ELMO1: variants seen among roughly 807,000 people sequenced by gnomAD.
ELMO1 encodes engulfment and cell motility protein 1.
Under a neutral mutation model 98.9 loss-of-function variants are expected in ELMO1, and 26 were observed. The ratio of observed to expected loss-of-function variants is 0.26; its 90% CI spans 0.19 to 0.36. The LOEUF is 0.36. ELMO1 is among the 10% of genes least tolerant of loss of function. ELMO1 has a pLI of 1.00. For synonymous variants in ELMO1, 346 were observed against 346.0 expected, an observed-to-expected ratio of 1.00 and a Z score of 0.00; for missense variants, 627 against 935.2, an observed-to-expected ratio of 0.67 and a Z score of 4.30.
intron 13 of ELMO1, among the ~76,000 whole-genome samples, chr7:37,195,238 C>T (rs1328555688): frequency 6.6e-6 from 1 of 152,206 alleles, no homozygotes; most frequent in Non-Finnish European, 1.5e-5. Flanking sequence ...AAGGAGTTCA[C>T]TCAACAATCA....
At chr7:37,025,197 T>A (rs539367460) in intron 15 of ELMO1, among the ~76,000 whole-genome samples, 5 of 152,318 alleles carry the variant, frequency 3.3e-5, no homozygotes, top group Admixed American at 2.6e-4. Context: ...AATGCTGTTC[T>A]TGGCCCAAAG....
At chr7:36,903,913 G>T (rs1783773190) in intron 16 of ELMO1, among the ~76,000 whole-genome samples, 1 of 152,212 alleles carries the variant, frequency 6.6e-6, no homozygotes, top group African/African-American at 2.4e-5. Context: ...AGTCAGATTG[G>T]CGGACAGGGG....
At chr7:36,873,070 TA>T (rs2129041860) in intron 19 of ELMO1, among the ~76,000 whole-genome samples, 2 of 152,324 alleles carry the variant, frequency 1.3e-5, no homozygotes, top group African/African-American at 4.8e-5. Context: ...AGTACATATA[TA>T]TTTTTTTATA....
intron 11 of ELMO1, among the ~76,000 whole-genome samples, chr7:37,215,991 CCTTTTTTTTTTTTT>C (rs1473233958): frequency 5.1e-5 from 7 of 136,682 alleles, no homozygotes; most frequent in Non-Finnish European, 7.8e-5. Flanking sequence ...TTCCTCTTTT[CCTTTTTTTTTTTTT>C]CTTTTTTGTA....
At chr7:36,911,945 A>G (rs1293352298) in intron 16 of ELMO1, among the ~76,000 whole-genome samples, 3 of 152,220 alleles carry the variant, frequency 2.0e-5, no homozygotes, top group Non-Finnish European at 4.4e-5. Context: ...CTGAGAATAC[A>G]GCAGCTCGGC....
chr7:37,301,920 T>C (rs1798372093), intron 4 of ELMO1, among the ~76,000 whole-genome samples: 1 of 152,316 alleles, frequency 6.6e-6, no homozygotes, highest in South Asian at 2.1e-4. Context: ...CTTTCTTCTA[T>C]TTTTCTTACT....
chr7:36,870,071 A>G lies in ELMO1; in HGVS notation c.1905+322T>C, dbSNP rs149965506. 9.1e-4 allele frequency among the ~76,000 whole-genome samples: 139 copies of G among 152,280 alleles called. No homozygotes were observed. The highest frequency in any genetic ancestry group is 3.2e-3 in the African/African-American group (133 of 41,554). ...AAACATAAATGGGGGAGGTTAGGAG[A>G]GGCCCAGGGAATGGACGGATGAGCA... On this transcript the variant is annotated intron_variant, in intron 20 of 21. Transcript: ENST00000310758. This position sits in a 1 kb window ranked among gnomAD's most constrained non-coding sequence, Gnocchi z 4.4.
chr7:36,954,766 G>A (rs1284057487), intron 16 of ELMO1, among the ~76,000 whole-genome samples: 1 of 152,156 alleles, frequency 6.6e-6, no homozygotes, highest in Non-Finnish European at 1.5e-5. Flanking sequence ...GTTTCTACAA[G>A]AAAATGGTCT....
chr7:37,089,250 C>T (rs1379248907), intron 15 of ELMO1, among the ~76,000 whole-genome samples: 1 of 152,090 alleles, frequency 6.6e-6, no homozygotes, highest in African/African-American at 2.4e-5. Context: ...AGGTGCTCCA[C>T]TCGGCACCAC....
rs569718910 is a variant in ELMO1 at position 37,121,968 on chromosome 7, G to A, written c.1191+11162C>T. Among the ~76,000 whole-genome samples the A allele has an allele frequency of 1.0e-3, 153 of 152,314 alleles. 1 individual carries two copies. Among genetic ancestry groups the A allele is most frequent in the African/African-American group, 3.5e-3 (145 of 41,574 alleles). Reference sequence around the variant, plus strand: ...GAAACTCTACAAGCCAGAAGAGAGTGGGAGCCAATATTCAACATTCTTAAA... The same window carrying A: ...GAAACTCTACAAGCCAGAAGAGAGTAGGAGCCAATATTCAACATTCTTAAA... On this transcript the variant is annotated intron_variant, in intron 14 of 21. Transcript: ENST00000310758.
intron 13 of ELMO1, among the ~76,000 whole-genome samples, chr7:37,189,133 G>A (rs889800668): frequency 6.6e-6 from 1 of 152,144 alleles, no homozygotes; most frequent in Non-Finnish European, 1.5e-5. Context: ...AAAAGAATTC[G>A]GTAATTGTGT....
intron 16 of ELMO1, among the ~76,000 whole-genome samples, chr7:36,962,712 A>G (rs748644699): frequency 6.6e-6 from 1 of 152,180 alleles, no homozygotes. Context: ...AAGGAAATCT[A>G]AAATTCATGA....
chr7:36,867,043 G>A (rs1344688341), intron 20 of ELMO1, among the ~76,000 whole-genome samples: 1 of 152,132 alleles, frequency 6.6e-6, no homozygotes, highest in Non-Finnish European at 1.5e-5. Flanking sequence ...GGGCCAGGCT[G>A]CTTGAAATTC....
At chr7:37,093,177 G>GTTT (rs11298858) in intron 15 of ELMO1, among the ~76,000 whole-genome samples, 1 of 140,736 alleles carries the variant, frequency 7.1e-6, no homozygotes. Flanking sequence ...AAATAGTGCT[G>GTTT]TTTTTTTTTT....
chr7:37,066,812 C>G (rs73346378), intron 15 of ELMO1, among the ~76,000 whole-genome samples: 10,481 of 152,214 alleles, frequency 0.069, 1,038 homozygotes, highest in African/African-American at 0.22. Flanking sequence ...GAACATTGGA[C>G]TCAAGAGCTT....
At chr7:37,439,590 C>T (rs566673942) in intron 1 of ELMO1, among the ~76,000 whole-genome samples, 1 of 152,294 alleles carries the variant, frequency 6.6e-6, no homozygotes, top group African/African-American at 2.4e-5. Flanking sequence ...GCATTATGAT[C>T]AGGGCTATAA....
chr7:37,341,706 GAAA>G (rs1173280796), intron 2 of ELMO1, among the ~76,000 whole-genome samples: 1 of 151,868 alleles, frequency 6.6e-6, no homozygotes, highest in Admixed American at 6.6e-5. Context: ...ATCTGACCAG[GAAA>G]AAAAATTGTA....
rs537567798 is a variant in ELMO1, at chr7:37,445,460, C to A, written c.-74+3215G>T. 5.3e-5 allele frequency among the ~76,000 whole-genome samples: 8 copies of A among 152,248 alleles called. No individual in the cohort carries two copies. In the East Asian group the frequency reaches 1.5e-3, roughly 29 times the overall value. On this transcript the variant is annotated intron_variant, in intron 1 of 21. Coordinates refer to ENST00000310758, the MANE Select transcript of ELMO1 (RefSeq NM_014800.11). ...CTCCATAGGAATGATCACCTTTAAC[C>A]CTTGAGCATTAGGCAACCTGATGAA...
At chr7:37,446,018 G>A (rs989511154) in intron 1 of ELMO1, among the ~76,000 whole-genome samples, 8 of 152,210 alleles carry the variant, frequency 5.3e-5, no homozygotes, top group African/African-American at 1.4e-4. Context: ...CAGAAAAAGG[G>A]AGGAGTCTAC....
Sources: allele counts gnomAD v4.1 joint callset (sites outside exome capture counted in the v4.1 genomes callset), GRCh38; gene constraint gnomAD v4.1.1; non-coding constraint Gnocchi (gnomAD v3.1); transcripts MANE v1.5; gene names NCBI Gene and HGNC (gene_info 2026-07-23, HGNC 2026-07-21).